INTS14: variants seen among roughly 807,000 people sequenced by gnomAD.
The protein encoded by INTS14 is integrator complex subunit 14, also known as UPF0464 protein C15orf44.
INTS14 carries 27 observed loss-of-function variants against 56.9 expected under a neutral mutation model. The ratio of observed to expected loss-of-function variants is 0.47; its 90% CI spans 0.35 to 0.65. INTS14 has a LOEUF of 0.65. Among genes scored for constraint, INTS14 ranks in the 30% least tolerant of loss-of-function variants. The probability of loss-of-function intolerance (pLI) is 0.00; values close to 1 mark genes in which losing one functional copy is unlikely to be tolerated. For missense variants in INTS14, 517 were observed against 632.2 expected (o/e 0.82, Z 1.95); for synonymous variants, 207 against 236.2 (o/e 0.88, Z 1.13).
intron 1 of INTS14, 45 bp from the exon 2 acceptor site, chr15:65,607,487 A>G (rs372924652): frequency 1.3e-6 from 2 of 1,518,726 alleles, no homozygotes; most frequent in African/African-American, 1.4e-5. Flanking sequence ...AGAGAAAATA[A>G]TATTTTTCAC....
chr15:65,586,359 G>C (rs1448862476), intron 9 of INTS14: 1 of 152,172 alleles, frequency 6.6e-6, no homozygotes, highest in Admixed American at 6.5e-5. Context: ...ACTCAGTTGG[G>C]CCTGCTTCAA....
intron 3 of INTS14, among the ~76,000 whole-genome samples, chr15:65,602,556 A>G (rs995349155): frequency 2.0e-5 from 3 of 152,132 alleles, no homozygotes; most frequent in African/African-American, 7.2e-5. Flanking sequence ...AAGTGTTGGG[A>G]TTACAGGCGT....
At chr15:65,607,090 C>A in intron 2 of INTS14, 69 bp downstream of exon 2, 1 of 1,553,482 alleles carries the variant, frequency 6.4e-7, no homozygotes, top group South Asian at 1.2e-5. Flanking sequence ...ATATTCAACG[C>A]ATTATAACAC....
intron 8 of INTS14, among the ~76,000 whole-genome samples, chr15:65,593,001 A>T (rs1480343192): frequency 6.6e-6 from 1 of 152,084 alleles, no homozygotes; most frequent in African/African-American, 2.4e-5. Context: ...AATGCCCGTA[A>T]TCCCAGCATT....
intron 7 of INTS14, 141 bp from the exon 8 acceptor site, chr15:65,593,713 T>C (rs2073112370): frequency 5.1e-6 from 5 of 984,204 alleles, no homozygotes; most frequent in Non-Finnish European, 5.5e-6. Context: ...GAAAAACTCA[T>C]TCCAGTTTTC....
intron 3 of INTS14, among the ~76,000 whole-genome samples, chr15:65,602,708 AG>A (rs1472647532): frequency 6.7e-6 from 1 of 149,998 alleles, no homozygotes; most frequent in East Asian, 1.9e-4. Flanking sequence ...CTTGTTGCCC[AG>A]GGTGGAGTGC....
chr15:65,580,518 C>T (rs1005721443), intron 11 of INTS14, among the ~76,000 whole-genome samples: 33 of 152,098 alleles, frequency 2.2e-4, no homozygotes, highest in African/African-American at 7.7e-4. Context: ...AGGGAGGGGC[C>T]TGGCTGGCTA....
chr15:65,601,363 C>G (rs1365089529), intron 3 of INTS14, among the ~76,000 whole-genome samples: 1 of 151,544 alleles, frequency 6.6e-6, no homozygotes, highest in East Asian at 1.9e-4. Context: ...TTTTTTTTGA[C>G]AAGGAGACTC....
chr15:65,605,210 A>G lies in INTS14; in HGVS notation c.249T>C (p.Tyr83=). The G allele has an allele frequency of 6.2e-7, 1 of 1,614,068 alleles. No homozygotes were observed. The highest frequency in any genetic ancestry group is 8.5e-7 in the Non-Finnish European group (1 of 1,179,900). Residue 83 remains tyrosine (Y), a synonymous_variant, in exon 3 of 12, where the codon TAT becomes TAC. Coordinates refer to ENST00000313182, the MANE Select transcript of INTS14 (RefSeq NM_001394796.1). ...LQEALSNMDD[Y]DKTCLESALV... ...ATGCAGACTCCAAGCAGGTTTTGTC[A>G]TAATCATCCATATTACTTAGTGCTT...
At chr15:65,610,919 G>A in intron 1 of INTS14, 179 bp downstream of exon 1, 1 of 1,465,006 alleles carries the variant, frequency 6.8e-7, no homozygotes, top group Non-Finnish European at 9.0e-7. Flanking sequence ...GAGCCTCAGA[G>A]CGAGGGGAGG....
intron 9 of INTS14, among the ~76,000 whole-genome samples, chr15:65,585,713 G>A (rs2072793861): frequency 2.6e-5 from 4 of 152,156 alleles, no homozygotes; most frequent in African/African-American, 7.2e-5. Flanking sequence ...TGTAGACAGA[G>A]CAGGAGTCAT....
At position 65,599,943 on chromosome 15, in the gene INTS14, G is replaced by C. The variant is rs183797221; in HGVS notation, c.331-14C>G. On this transcript the variant is annotated splice_polypyrimidine_tract_variant and intron_variant, in intron 3 of 11. Transcript: ENST00000313182. Reference sequence around the variant, plus strand: ...CACCAGGACAACCTGTTTGTAAAAAGAGAGAGAGGAGGTTGTACATTAAAT... The same window carrying C: ...CACCAGGACAACCTGTTTGTAAAAACAGAGAGAGGAGGTTGTACATTAAAT... The C allele has an allele frequency of 5.1e-5, 82 of 1,607,310 alleles. No homozygotes were observed. The Admixed American group carries it at 1.4e-3, about 27-fold the overall frequency.
At position 65,579,260 on chromosome 15, in the gene INTS14, G is replaced by A; in HGVS notation, c.*148C>T. The A allele has an allele frequency of 9.2e-7, 1 of 1,087,576 alleles. No homozygotes were observed. The highest frequency in any genetic ancestry group is 1.3e-6 in the Non-Finnish European group (1 of 763,298). The allele number at this position is 1,087,576 out of a possible 1,614,324, so 67.4% of individuals were successfully genotyped here. On this transcript the variant is annotated 3_prime_UTR_variant, in exon 12 of 12. Coordinates refer to ENST00000313182, the MANE Select transcript of INTS14 (RefSeq NM_001394796.1). The stretch of plus-strand genomic sequence containing the variant: ...CCTTCACATCCTTCTCATACTAGTA[G>A]AGTCATTCAAAACAGCAAGTGGTGC...
intron 7 of INTS14, among the ~76,000 whole-genome samples, 195 bp from the exon 8 acceptor site, chr15:65,593,767 C>T (rs897696237): frequency 6.6e-6 from 1 of 151,362 alleles, no homozygotes; most frequent in African/African-American, 2.4e-5. Context: ...ATATGAATTC[C>T]ATTTATATAA....
In INTS14 at chr15:65,605,202, G is replaced by A. The variant is rs1382128953; in HGVS notation, c.257C>T (p.Thr86Ile). 1.2e-6 allele frequency: 2 copies of A among 1,613,936 alleles called. No homozygotes were observed. The highest frequency in any genetic ancestry group is 1.7e-5 in the Admixed American group (1 of 60,004). Residue 86 changes from threonine (T) to isoleucine (I), a missense_variant, in exon 3 of 12, where the codon ACC becomes ATC. Thr to Ile is a moderately conservative substitution (Grantham distance 89). Transcript: ENST00000313182. ...ACCAACTAATGCAGACTCCAAGCAG[G>A]TTTTGTCATAATCATCCATATTACT... Reference protein sequence around the residue: ...ALSNMDDYDKTCLESALVGVC... With the variant: ...ALSNMDDYDKICLESALVGVC...
intron 1 of INTS14, among the ~76,000 whole-genome samples, chr15:65,608,314 G>A (rs569303742): frequency 5.5e-4 from 77 of 140,136 alleles, no homozygotes; most frequent in African/African-American, 2.1e-3. Context: ...CCGAGATCGT[G>A]CCACTGCACT....
At chr15:65,610,632 T>A (rs1007614949) in intron 1 of INTS14, 28 of 1,509,690 alleles carry the variant, frequency 1.9e-5, no homozygotes, top group Non-Finnish European at 2.5e-5. Context: ...AAGAACTGAT[T>A]CTCAGCAGTC....
chr15:65,601,430 C>T (rs2073429672), intron 3 of INTS14, among the ~76,000 whole-genome samples: 1 of 152,158 alleles, frequency 6.6e-6, no homozygotes, highest in Non-Finnish European at 1.5e-5. Context: ...GCAACCTCCG[C>T]CTCCCAGGTT....
intron 9 of INTS14, among the ~76,000 whole-genome samples, chr15:65,587,859 G>A (rs919256392): frequency 3.3e-5 from 5 of 152,110 alleles, no homozygotes; most frequent in Non-Finnish European, 7.4e-5. Flanking sequence ...GCATGCACCC[G>A]TGGTCCCAGC....
Sources: gnomAD v4.1 joint callset for allele counts (sites outside exome capture counted in the v4.1 genomes callset) on GRCh38, gnomAD v4.1.1 for gene constraint, MANE v1.5 for transcripts, NCBI Gene and HGNC (gene_info 2026-07-23, HGNC 2026-07-21) for gene names.